The following ACSBG2 variants were observed in gnomAD, a reference collection of about 807,000 sequenced individuals.
The protein encoded by ACSBG2 is long-chain-fatty-acid--CoA ligase ACSBG2.
ACSBG2 carries 62 observed loss-of-function variants against 74.7 expected under a neutral mutation model. The ratio of observed to expected loss-of-function variants is 0.83; its 90% CI spans 0.68 to 1.03. ACSBG2 has a LOEUF of 1.03. Ranked by LOEUF, ACSBG2 falls within the 50% of genes least tolerant of loss-of-function variation. The pLI, the probability that ACSBG2 is intolerant of heterozygous loss-of-function variation, is 0.00. For synonymous variants in ACSBG2, 309 were observed against 294.1 expected (o/e 1.05, Z -0.52); for missense variants, 730 against 817.6 (o/e 0.89, Z 1.31).
chr19:6,158,360 G>T (rs553483328), intron 5 of ACSBG2, among the ~76,000 whole-genome samples: 1 of 151,216 alleles, frequency 6.6e-6, no homozygotes, highest in East Asian at 1.9e-4. Context: ...CCTGGCCTTG[G>T]TTACAATTTT....
intron 1 of ACSBG2, among the ~76,000 whole-genome samples, chr19:6,139,380 C>T (rs536989177): frequency 2.1e-4 from 32 of 152,272 alleles, no homozygotes; most frequent in African/African-American, 7.2e-4. Context: ...CGTGAGCCAC[C>T]GCACCTGGCC....
chr19:6,161,488 A>C (rs1600072755), intron 6 of ACSBG2, 193 bp downstream of exon 6: 3 of 530,440 alleles, frequency 5.7e-6, no homozygotes, highest in East Asian at 6.3e-5. Flanking sequence ...CCTTGTGAGG[A>C]AAGTGGGTGT....
intron 6 of ACSBG2, among the ~76,000 whole-genome samples, chr19:6,165,654 G>A (rs538074483): frequency 4.6e-5 from 7 of 152,312 alleles, no homozygotes; most frequent in African/African-American, 1.2e-4. Context: ...TGAGGCACAG[G>A]GAGCTTAAGT....
Position 6,185,426 on chromosome 19 carries a change from C to T in ACSBG2, c.1323-10C>T, listed in dbSNP as rs1251762427. The T allele has an allele frequency of 9.9e-6, 16 of 1,613,746 alleles. No homozygotes were observed. The highest frequency in any genetic ancestry group is 1.7e-5 in the Admixed American group (1 of 59,998). On this transcript the variant is annotated splice_polypyrimidine_tract_variant and intron_variant, in intron 10 of 14. Transcript: ENST00000588485. ...TATGAGCCTGTTTCTCTGCTTCTGTCCCCTGGCAGCTGTGGCAAGATCTTG... is the reference window on the plus strand; with the variant it reads ...TATGAGCCTGTTTCTCTGCTTCTGTTCCCTGGCAGCTGTGGCAAGATCTTG...
chr19:6,150,905 G>A (rs1273789140), intron 3 of ACSBG2, among the ~76,000 whole-genome samples: 3 of 152,040 alleles, frequency 2.0e-5, no homozygotes, highest in Non-Finnish European at 4.4e-5. Context: ...CTTGAGGTCA[G>A]GGGTTCGAGA....
chr19:6,161,525 G>A (rs1267074060), intron 6 of ACSBG2: 10 of 457,174 alleles, frequency 2.2e-5, no homozygotes, highest in Non-Finnish European at 4.0e-5. Flanking sequence ...TGAAATGTGA[G>A]CAGAGGGAGG....
rs371866289 is a variant in ACSBG2, at chr19:6,184,832, G to GAAAAA, written c.1323-568_1323-564dup. ...TTTCTTTGCCGGCATATGTGGAGAT[G>GAAAAA]AAAAAAAAAAAAAAAAAAAAAAAAA... On this transcript the variant is annotated intron_variant, in intron 10 of 14. Transcript: ENST00000588485. Among the ~76,000 whole-genome samples the GAAAAA allele has an allele frequency of 4.1e-3, 56 of 13,522 alleles. 12 individuals are homozygous for GAAAAA. The highest frequency in any genetic ancestry group is 0.011 in the Non-Finnish European group (41 of 3,606). 8.9% of individuals were successfully genotyped at this position (13,522 alleles called of 152,430 possible).
chr19:6,139,005 G>A (rs943078791), intron 1 of ACSBG2, among the ~76,000 whole-genome samples: 2 of 152,018 alleles, frequency 1.3e-5, no homozygotes, highest in Non-Finnish European at 1.5e-5. Flanking sequence ...TGGGCTGCTC[G>A]CTTTGTCCTG....
chr19:6,151,263 T>G (rs1254889050), intron 3 of ACSBG2, among the ~76,000 whole-genome samples: 1 of 152,124 alleles, frequency 6.6e-6, no homozygotes, highest in Non-Finnish European at 1.5e-5. Context: ...TTAAAAATAT[T>G]ACACCTCAGA....
intron 4 of ACSBG2, among the ~76,000 whole-genome samples, chr19:6,154,434 A>AGAGAGAGAGAGAG (rs1568226772): frequency 2.6e-5 from 1 of 38,148 alleles, no homozygotes; most frequent in African/African-American, 3.9e-5. Flanking sequence ...GAGAGAGAGA[A>AGAGAGAGAGAGAG]AATTATTATT....
At chr19:6,162,798 C>T (rs1417198660) in intron 6 of ACSBG2, among the ~76,000 whole-genome samples, 2 of 151,826 alleles carry the variant, frequency 1.3e-5, no homozygotes, top group African/African-American at 4.8e-5. Context: ...CACTGGATGC[C>T]AGGAATATAT....
At chr19:6,188,950 C>CT (rs1378491885) in intron 13 of ACSBG2, among the ~76,000 whole-genome samples, 2 of 152,114 alleles carry the variant, frequency 1.3e-5, no homozygotes, top group African/African-American at 2.4e-5. Flanking sequence ...TTTCACAATG[C>CT]TTAATATGTT....
At chr19:6,168,080 C>T (rs2089862903) in intron 7 of ACSBG2, among the ~76,000 whole-genome samples, 1 of 151,862 alleles carries the variant, frequency 6.6e-6, no homozygotes. Context: ...ATGGCTCCCA[C>T]TTCCCTCCAG....
chr19:6,171,552 T>C (rs1252956878), intron 7 of ACSBG2, among the ~76,000 whole-genome samples: 2 of 152,198 alleles, frequency 1.3e-5, no homozygotes, highest in African/African-American at 4.8e-5. Flanking sequence ...CAATCTCTTC[T>C]GGCTTGTGAG....
At chr19:6,188,957 T>A (rs1158148890) in intron 13 of ACSBG2, among the ~76,000 whole-genome samples, 1 of 152,202 alleles carries the variant, frequency 6.6e-6, no homozygotes, top group Non-Finnish European at 1.5e-5. Flanking sequence ...ATGCTTAATA[T>A]GTTATCTGTA....
intron 13 of ACSBG2, among the ~76,000 whole-genome samples, chr19:6,188,261 G>T (rs1311653379): frequency 6.6e-6 from 1 of 152,166 alleles, no homozygotes; most frequent in Non-Finnish European, 1.5e-5. Flanking sequence ...CCTCAGAGCA[G>T]CCTTGTTACA....
chr19:6,137,263 A>G (rs1046367771), intron 1 of ACSBG2: 12 of 149,642 alleles, frequency 8.0e-5, no homozygotes, highest in Admixed American at 6.8e-5. Flanking sequence ...GGCCTGGGCA[A>G]TATAGCGAGG....
rs181298656 is a variant in ACSBG2, at chr19:6,159,203, T to C, written c.508-2012T>C. The stretch of plus-strand genomic sequence containing the variant: ...GAACTCCTGGCCTCAAGTGATCCAA[T>C]GGCCTTGGCCTCCCAAAGTGCTGGG... On this transcript the variant is annotated intron_variant, in intron 5 of 14. Transcript: ENST00000588485. Among the ~76,000 whole-genome samples, 187 of 152,318 alleles carry C rather than the reference T, an allele frequency of 1.2e-3. 2 individuals carry two copies. The highest frequency in any genetic ancestry group is 3.8e-4 in the Non-Finnish European group (26 of 68,024).
At chr19:6,161,437 T>C in intron 6 of ACSBG2, 142 bp downstream of exon 6, 1 of 691,372 alleles carries the variant, frequency 1.4e-6, no homozygotes, top group East Asian at 3.0e-5. Flanking sequence ...AGGTGGGGAC[T>C]CTCAAAGGAA....
Sources: gnomAD v4.1 joint callset for allele counts (sites outside exome capture counted in the v4.1 genomes callset) on GRCh38, gnomAD v4.1.1 for gene constraint, MANE v1.5 for transcripts, NCBI Gene and HGNC (gene_info 2026-07-23, HGNC 2026-07-21) for gene names.